SNX14: variants seen among roughly 807,000 people sequenced by gnomAD.
SNX14 encodes the protein sorting nexin-14.
SNX14 carries 93 observed loss-of-function variants against 133.8 expected under a neutral mutation model. That is an observed-to-expected ratio of 0.70 (90% CI 0.59 to 0.83). The LOEUF is 0.83. Among genes scored for constraint, SNX14 ranks in the 40% least tolerant of loss-of-function variants. The pLI is 0.00. For missense variants in SNX14, 945 were observed against 1,094.9 expected (o/e 0.86, Z 1.93); for synonymous variants, 368 against 365.6 (o/e 1.01, Z -0.07).
chr6:85,581,948 A>G (rs1799183221), intron 1 of SNX14: 1 of 152,212 alleles, frequency 6.6e-6, no homozygotes, highest in South Asian at 2.1e-4. Context: ...ATAACAGAGA[A>G]CATCCCAAAC....
chr6:85,511,158 T>G (rs1348893845), intron 26 of SNX14, among the ~76,000 whole-genome samples: 1 of 151,146 alleles, frequency 6.6e-6, no homozygotes, highest in Non-Finnish European at 1.5e-5. Context: ...TACCCAAGTA[T>G]TCCACTTTTG....
chr6:85,588,478 G>A (rs1801719680), intron 1 of SNX14, among the ~76,000 whole-genome samples: 1 of 152,180 alleles, frequency 6.6e-6, no homozygotes. Context: ...TTGGGAGGCT[G>A]AGGCAGGAGA....
chr6:85,543,099 T>C lies in SNX14; in HGVS notation c.1389+83A>G. Reference sequence around the variant, plus strand: ...TCTTATTTTTCTATTTATTTTGTTATTTGAATCACTCATCTAATGATATCA... The same window carrying C: ...TCTTATTTTTCTATTTATTTTGTTACTTGAATCACTCATCTAATGATATCA... On this transcript the variant is annotated intron_variant, in intron 14 of 28. Coordinates refer to ENST00000314673, the MANE Select transcript of SNX14 (RefSeq NM_153816.6). 3 of 1,246,184 alleles carry C rather than the reference T, an allele frequency of 2.4e-6. No individual in the cohort carries two copies. In the South Asian group the frequency reaches 6.5e-5, roughly 27 times the overall value. 77.2% of individuals were successfully genotyped at this position (1,246,184 alleles called of 1,614,324 possible).
At chr6:85,524,597 C>T (rs1777990630) in intron 21 of SNX14, among the ~76,000 whole-genome samples, 4 of 152,116 alleles carry the variant, frequency 2.6e-5, no homozygotes, top group Non-Finnish European at 4.4e-5. Context: ...GCCTGGCCAA[C>T]GTGGTGAAAC....
intron 26 of SNX14, among the ~76,000 whole-genome samples, chr6:85,510,292 TG>T (rs2127767735): frequency 6.6e-6 from 1 of 152,292 alleles, no homozygotes; most frequent in East Asian, 1.9e-4. Flanking sequence ...CACCAGCAAA[TG>T]GTGGTGTTGG....
intron 18 of SNX14, among the ~76,000 whole-genome samples, chr6:85,532,973 G>A (rs980935907): frequency 4.6e-5 from 7 of 151,826 alleles, no homozygotes; most frequent in African/African-American, 1.2e-4. Context: ...TGCAACCTCC[G>A]CCTCCCAGGT....
At position 85,557,967 on chromosome 6, in the gene SNX14, CTG is replaced by C. The variant is rs964243540; in HGVS notation, c.634+7_634+8del. ...AAATTACTCAAACTGTAGTAGAAAACTGTATTACCTTTCTGTCTGGCTTTAAC... is the reference window on the plus strand; with the variant it reads ...AAATTACTCAAACTGTAGTAGAAAACTATTACCTTTCTGTCTGGCTTTAAC... On this transcript the variant is annotated splice_region_variant and intron_variant, in intron 7 of 28. Coordinates refer to ENST00000314673, the MANE Select transcript of SNX14 (RefSeq NM_153816.6). The C allele has an allele frequency of 2.0e-6, 3 of 1,525,542 alleles. No homozygotes were observed. The highest frequency in any genetic ancestry group is 2.7e-6 in the Non-Finnish European group (3 of 1,110,446). 94.5% of individuals were successfully genotyped at this position (1,525,542 alleles called of 1,614,324 possible).
chr6:85,537,661 G>A (rs554650290), intron 16 of SNX14, among the ~76,000 whole-genome samples: 2 of 152,292 alleles, frequency 1.3e-5, no homozygotes, highest in East Asian at 3.9e-4. Flanking sequence ...TAAAAGTCAT[G>A]CTCAAGGCCA....
chr6:85,537,593 T>C (rs903888661), intron 16 of SNX14, among the ~76,000 whole-genome samples: 1 of 152,062 alleles, frequency 6.6e-6, no homozygotes, highest in South Asian at 2.1e-4. Context: ...GTAGCAAAAA[T>C]GTCCGTTAGC....
intron 4 of SNX14, chr6:85,567,852 G>A (rs1042431743): frequency 1.3e-5 from 3 of 224,440 alleles, no homozygotes; most frequent in Non-Finnish European, 2.6e-5. Flanking sequence ...GTGTAGTGAC[G>A]TGTACCTGTA....
intron 12 of SNX14, 30 bp from the exon 13 acceptor site, chr6:85,543,790 A>T (rs1003020063): frequency 1.1e-5 from 15 of 1,307,974 alleles, no homozygotes; most frequent in Non-Finnish European, 1.5e-5. Flanking sequence ...ATAAGAAAAA[A>T]TAATTTTAAT....
At chr6:85,512,738 T>C (rs530836236) in intron 26 of SNX14, among the ~76,000 whole-genome samples, 1 of 152,264 alleles carries the variant, frequency 6.6e-6, no homozygotes, top group South Asian at 2.1e-4. Context: ...ATAGTTCAGG[T>C]TTCCCTAGCT....
rs181964812 is a variant in SNX14 at position 85,572,158 on chromosome 6, C to T, written c.396G>A (p.Lys132=). ...TTACCTCTGAGAGAGATGCATCAAC[C>T]TTGGAAGAAATTTTCAGGTCTAGCC... ...QPWLDLKISS[K]VDASLSEVLE... Residue 132 remains lysine (K), a synonymous_variant, in exon 4 of 29, where the codon AAG becomes AAA. Transcript: ENST00000314673. 2 of 1,613,530 alleles carry T rather than the reference C, an allele frequency of 1.2e-6. No individual in the cohort carries two copies. The highest frequency in any genetic ancestry group is 2.2e-5 in the East Asian group (1 of 44,816).
intron 1 of SNX14, among the ~76,000 whole-genome samples, chr6:85,590,178 C>G (rs1802364019): frequency 6.6e-6 from 1 of 152,202 alleles, no homozygotes; most frequent in African/African-American, 2.4e-5. Context: ...TATACAACCA[C>G]AAGACTAGCA....
chr6:85,529,465 C>G (rs1419028885), intron 19 of SNX14, among the ~76,000 whole-genome samples: 1 of 152,008 alleles, frequency 6.6e-6, no homozygotes, highest in Non-Finnish European at 1.5e-5. Flanking sequence ...GAAATTTTAG[C>G]ATCAAAAAAG....
intron 12 of SNX14, among the ~76,000 whole-genome samples, chr6:85,545,449 T>A (rs1000790420): frequency 2.6e-5 from 4 of 152,076 alleles, no homozygotes; most frequent in African/African-American, 9.7e-5. Context: ...TAGAAAAAGA[T>A]ATACAAATGA....
intron 7 of SNX14, among the ~76,000 whole-genome samples, chr6:85,553,696 G>A (rs1398442631): frequency 2.6e-5 from 4 of 151,742 alleles, no homozygotes; most frequent in African/African-American, 7.3e-5. Flanking sequence ...TGAGGCAGGA[G>A]AATGGCGTGA....
rs1803661385 is a variant in SNX14, at chr6:85,593,583, T to C, written c.136A>G (p.Asn46Asp). 1 of 1,610,700 alleles carries C rather than the reference T, an allele frequency of 6.2e-7. No homozygotes were observed. The highest frequency in any genetic ancestry group is 8.5e-7 in the Non-Finnish European group (1 of 1,178,946). Reference sequence around the variant, plus strand: ...GGCTCCGCGCTGCGGCGTTACCTGTTAAGAAGCAGGGAGGCGGCGCTGAGA... The same window carrying C: ...GGCTCCGCGCTGCGGCGTTACCTGTCAAGAAGCAGGGAGGCGGCGCTGAGA... ...LCLSAASLLL[N>D]RYIHILMIFW... The change falls in exon 1 of 29, where the codon AAC becomes GAC. Residue 46 changes from asparagine to aspartate, a missense_variant. This residue lies in a region of SNX14 where 514 missense variants were observed against 538.8 expected (regional missense o/e 0.95). Transcript: ENST00000314673.
chr6:85,570,145 T>C (rs1438517390), intron 4 of SNX14, among the ~76,000 whole-genome samples: 5 of 152,246 alleles, frequency 3.3e-5, no homozygotes, highest in Non-Finnish European at 7.3e-5. Flanking sequence ...TGCCTGCCTC[T>C]ACTTCTAGAC....
Sources: allele counts gnomAD v4.1 joint callset (sites outside exome capture counted in the v4.1 genomes callset), GRCh38; gene constraint gnomAD v4.1.1; regional missense constraint gnomAD v4.1.1; transcripts MANE v1.5; gene names NCBI Gene and HGNC (gene_info 2026-07-23, HGNC 2026-07-21).